PEMT: variants seen among roughly 807,000 people sequenced by gnomAD.
PEMT encodes the protein phosphatidylethanolamine N-methyltransferase, also known as phospholipid methyltransferase.
Under a neutral mutation model 27.4 loss-of-function variants are expected in PEMT, and 23 were observed. That is an observed-to-expected ratio of 0.84 (90% CI 0.60 to 1.19). PEMT has a LOEUF of 1.19. PEMT is among the 50% of genes most tolerant of loss of function. The pLI, the probability that PEMT is intolerant of heterozygous loss-of-function variation, is 0.00. For missense variants in PEMT, 307 were observed against 310.1 expected, an observed-to-expected ratio of 0.99 and a Z score of 0.07; for synonymous variants, 137 against 139.1, an observed-to-expected ratio of 0.98 and a Z score of 0.11.
At chr17:17,522,783 G>C (rs970998965) in intron 2 of PEMT, among the ~76,000 whole-genome samples, 5 of 152,154 alleles carry the variant, frequency 3.3e-5, no homozygotes, top group African/African-American at 1.2e-4. Context: ...GACTCTAAAA[G>C]GGCCCCAGCA....
At chr17:17,526,438 C>A (rs1907672209) in intron 2 of PEMT, among the ~76,000 whole-genome samples, 1 of 152,198 alleles carries the variant, frequency 6.6e-6, no homozygotes, top group South Asian at 2.1e-4. Context: ...CGGACAGTAC[C>A]CCCCACCCCG....
At chr17:17,531,621 C>CAAAAAAAAAAAAAAAAAAAAAAAA (rs58165466) in intron 2 of PEMT, among the ~76,000 whole-genome samples, 2 of 62,382 alleles carry the variant, frequency 3.2e-5, no homozygotes, top group Non-Finnish European at 2.9e-5. Context: ...CTATCATATG[C>CAAAAAAAAAAAAAAAAAAAAAAAA]AAAAAAAAAA....
Position 17,522,351 on chromosome 17 carries a change from G to A in PEMT, c.249C>T (p.Phe83=), listed in dbSNP as rs140872588. ...EHKTRKLSRA[F]GSPYLACYSL... is the part of the protein sequence containing the mutation. ...AGTAGCAGGCCAGGTAGGGGGATCC[G>A]AAGGCCCTGCTCAGCTTGCGGGTCT... The change falls in exon 3 of 7, where the codon TTC becomes TTT. Residue 83 remains phenylalanine (F), a synonymous_variant. Coordinates refer to ENST00000255389, the MANE Select transcript of PEMT (RefSeq NM_148172.3). 127 of 1,613,812 alleles carry A rather than the reference G, an allele frequency of 7.9e-5. No individual in the cohort carries two copies. The African/African-American group carries it at 8.3e-4, about 11-fold the overall frequency.
intron 1 of PEMT, among the ~76,000 whole-genome samples, chr17:17,585,234 A>G (rs1912185297): frequency 6.6e-6 from 1 of 152,190 alleles, no homozygotes; most frequent in Non-Finnish European, 1.5e-5. Flanking sequence ...GCTACTCTGG[A>G]GGCTGAGGCA....
At chr17:17,533,091 C>T (rs1373370338) in intron 2 of PEMT, among the ~76,000 whole-genome samples, 1 of 152,178 alleles carries the variant, frequency 6.6e-6, no homozygotes, top group Non-Finnish European at 1.5e-5. Flanking sequence ...AAACTTACCA[C>T]AATGCAACAG....
chr17:17,557,115 C>T (rs956191955), intron 2 of PEMT, among the ~76,000 whole-genome samples: 2 of 152,178 alleles, frequency 1.3e-5, no homozygotes, highest in African/African-American at 4.8e-5. Context: ...TAACCCCTGG[C>T]TTTTCCCCCG....
rs1037089886 is a variant in PEMT at position 17,567,919 on chromosome 17, G to C, written c.204+9001C>G. 2.0e-5 allele frequency among the ~76,000 whole-genome samples: 3 copies of C among 152,358 alleles called. No individual in the cohort carries two copies. The East Asian group carries it at 5.8e-4, about 29-fold the overall frequency. ...TTTCTGGTCCAGAAACACTGGCTTG[G>C]AGCCCACTGGATATGCGGCCATGCC... On this transcript the variant is annotated intron_variant, in intron 2 of 6. Transcript: ENST00000255389.
At chr17:17,517,335 A>C (rs1044135459) in intron 3 of PEMT, among the ~76,000 whole-genome samples, 1 of 152,092 alleles carries the variant, frequency 6.6e-6, no homozygotes, top group Non-Finnish European at 1.5e-5. Flanking sequence ...CAGTCCACAG[A>C]CTCTTTAAAA....
At chr17:17,551,569 C>T (rs4646383) in intron 2 of PEMT, among the ~76,000 whole-genome samples, 9,120 of 152,232 alleles carry the variant, frequency 0.06, 385 homozygotes, top group East Asian at 0.14. Context: ...TTTCACTCTA[C>T]GTAGGATTCC....
At chr17:17,558,908 A>G (rs1033088338) in intron 2 of PEMT, among the ~76,000 whole-genome samples, 27 of 152,244 alleles carry the variant, frequency 1.8e-4, no homozygotes, top group Admixed American at 1.5e-3. Context: ...GAGAAGCACG[A>G]AAGAATTCTT....
At chr17:17,548,134 GTCC>G (rs897808603) in intron 2 of PEMT, among the ~76,000 whole-genome samples, 2 of 152,210 alleles carry the variant, frequency 1.3e-5, no homozygotes, top group African/African-American at 2.4e-5. Flanking sequence ...ACTTCCTTTG[GTCC>G]TCAAGAACAC....
At chr17:17,542,830 A>G (rs751547997) in intron 2 of PEMT, among the ~76,000 whole-genome samples, 1 of 152,146 alleles carries the variant, frequency 6.6e-6, no homozygotes, top group Non-Finnish European at 1.5e-5. Context: ...CCTCCTTTGC[A>G]CCGTTCGGCC....
rs952119311 is a variant in PEMT, at chr17:17,553,745, C to T, written c.204+23175G>A. On this transcript the variant is annotated intron_variant, in intron 2 of 6. Transcript: ENST00000255389. Reference sequence around the variant, plus strand: ...CACTTGGCAGTCAGATGTGGCCAGACGGTCCCTTCCAGGTCTGTACCCTAC... The same window carrying T: ...CACTTGGCAGTCAGATGTGGCCAGATGGTCCCTTCCAGGTCTGTACCCTAC... Among the ~76,000 whole-genome samples, 8 of 152,370 alleles carry T rather than the reference C, an allele frequency of 5.3e-5. No individual in the cohort carries two copies. In the South Asian group the frequency reaches 6.2e-4, roughly 12 times the overall value.
chr17:17,584,825 G>A (rs928171162), intron 1 of PEMT, among the ~76,000 whole-genome samples: 8 of 152,376 alleles, frequency 5.3e-5, no homozygotes, highest in Admixed American at 2.0e-4. Flanking sequence ...GTGCCACGGC[G>A]GGCAGCCATC....
At chr17:17,587,432 AG>A (rs1298070809) in intron 1 of PEMT, among the ~76,000 whole-genome samples, 1 of 152,206 alleles carries the variant, frequency 6.6e-6, no homozygotes, top group South Asian at 2.1e-4. Flanking sequence ...ACCTAAAAAA[AG>A]AAAGCCTTGA....
chr17:17,509,389 G>A (rs372841535), intron 5 of PEMT, 45 bp downstream of exon 5: 76 of 1,287,514 alleles, frequency 5.9e-5, no homozygotes, highest in South Asian at 1.6e-4. Flanking sequence ...GCTCCTCTCC[G>A]GGAGGTGGCC....
intron 2 of PEMT, among the ~76,000 whole-genome samples, chr17:17,558,691 A>AC (rs1474685686): frequency 0.011 from 1,423 of 127,486 alleles, 32 homozygotes; most frequent in African/African-American, 0.034. Flanking sequence ...CGAAAAAAAA[A>AC]AAAAAAAACA....
chr17:17,551,935 G>A (rs956301023), intron 2 of PEMT, among the ~76,000 whole-genome samples: 1 of 152,230 alleles, frequency 6.6e-6, no homozygotes, highest in African/African-American at 2.4e-5. Context: ...GGGCGCATTG[G>A]CTCATGCCTG....
rs151166972 is a variant in PEMT, at chr17:17,512,993, A to G, written c.321-339T>C. 8.1e-4 allele frequency among the ~76,000 whole-genome samples: 123 copies of G among 152,352 alleles called. 1 individual carries two copies. The East Asian group carries it at 0.024, about 29-fold the overall frequency. ...GCAGGCTGGATTCAGCCCGAAGGCC[A>G]CCAGCTTGCAAACTCTCATCCTGTC... is the stretch of plus-strand genomic sequence containing the variant. On this transcript the variant is annotated intron_variant, in intron 3 of 6. Coordinates refer to ENST00000255389, the MANE Select transcript of PEMT (RefSeq NM_148172.3). This position sits in a 1 kb window ranked among gnomAD's most constrained non-coding sequence, Gnocchi z 6.3.
Sources: gnomAD v4.1 joint callset for allele counts (sites outside exome capture counted in the v4.1 genomes callset) on GRCh38, gnomAD v4.1.1 for gene constraint, Gnocchi (gnomAD v3.1) non-coding constraint, MANE v1.5 for transcripts, NCBI Gene and HGNC (gene_info 2026-07-23, HGNC 2026-07-21) for gene names.